Variants in TAB3 observed in about 807,000 individuals in gnomAD.
The protein encoded by TAB3 is TGF-beta-activated kinase 1 and MAP3K7-binding protein 3.
In TAB3, 18 loss-of-function variants were observed where a neutral mutation model predicts 48.1. The ratio of observed to expected loss-of-function variants is 0.37; its 90% CI spans 0.26 to 0.55. TAB3 has a LOEUF of 0.55. TAB3 is among the 20% of genes least tolerant of loss of function. The pLI, the probability that TAB3 is intolerant of heterozygous loss-of-function variation, is 0.78. For missense variants in TAB3, 414 were observed against 549.8 expected (o/e 0.75, Z 2.47); for synonymous variants, 185 against 190.2 (o/e 0.97, Z 0.22).
Position 30,855,179 on chromosome X carries a change from G to A in TAB3, c.486C>T (p.Ser162=). The A allele has an allele frequency of 8.3e-7, 1 of 1,211,955 alleles. No individual in the cohort carries two copies. The highest frequency in any genetic ancestry group is 1.1e-6 in the Non-Finnish European group (1 of 895,549). The change falls in exon 6 of 11, where the codon TCC becomes TCT. Residue 162 remains serine, a synonymous_variant. Transcript: ENST00000288422. The part of the protein sequence containing the change: ...PPSQPPQQPS[S]MQTGMNPSAM... ...CAGACGGATTCATTCCTGTTTGCAT[G>A]GAAGATGGCTGTTGAGGTGGTTGTG...
Position 30,830,922 on chromosome X carries a change from C to CCG in TAB3, c.*504_*505insCG, listed in dbSNP as rs1202143073. 24 of 85,420 alleles carry CCG rather than the reference C, an allele frequency of 2.8e-4. No homozygotes were observed. The highest frequency in any genetic ancestry group is 9.3e-4 in the African/African-American group (23 of 24,763). The allele number at this position is 85,420 out of a possible 1,213,427, so 7.0% of individuals were successfully genotyped here. A position where few individuals can be genotyped will look rare whatever the true frequency, so the allele number is the denominator to read the frequency against. On this transcript the variant is annotated 3_prime_UTR_variant, in exon 11 of 11. Transcript: ENST00000288422. ...ACCCTTAATTAATTTGCCCCCCCCC[C>CCG]CCAAATATTCTAGGTGCTTTTTCCT...
chrX:30,869,435 A>C, intron 2 of TAB3, among the ~76,000 whole-genome samples: 1 of 111,650 alleles, frequency 9.0e-6, no homozygotes, highest in East Asian at 2.8e-4. Context: ...CCCTTTCATA[A>C]ATGCCTATAA....
At chrX:30,878,032 TAA>T (rs1327104337) in intron 1 of TAB3, among the ~76,000 whole-genome samples, 1 of 112,539 alleles carries the variant, frequency 8.9e-6, no homozygotes, top group Non-Finnish European at 1.9e-5. Flanking sequence ...TCACTAGAGT[TAA>T]AAAGAGTCCC....
At chrX:30,839,729 G>GA (rs1345267335) in intron 9 of TAB3, among the ~76,000 whole-genome samples, 1 of 108,871 alleles carries the variant, frequency 9.2e-6, no homozygotes, top group Non-Finnish European at 1.9e-5. Flanking sequence ...GAAATGAAAT[G>GA]AAAAAACAAA....
chrX:30,868,481 T>TTATA (rs775624507), intron 2 of TAB3, among the ~76,000 whole-genome samples: 1 of 28,194 alleles, frequency 3.5e-5, no homozygotes, highest in Non-Finnish European at 5.4e-5. Flanking sequence ...TATATATAGC[T>TTATA]TATATATATA....
intron 5 of TAB3, among the ~76,000 whole-genome samples, chrX:30,857,590 T>C (rs1445244288): frequency 9.0e-6 from 1 of 111,319 alleles, no homozygotes; most frequent in African/African-American, 3.3e-5. Context: ...CTACTTAGTA[T>C]TGTCACAAAA....
At chrX:30,885,248 A>T (rs963712777) in intron 1 of TAB3, among the ~76,000 whole-genome samples, 5 of 112,348 alleles carry the variant, frequency 4.5e-5, no homozygotes, top group African/African-American at 1.3e-4. Context: ...TTTGAAACTC[A>T]GACTTTGCCT....
At chrX:30,839,648 T>A (rs1938349470) in intron 9 of TAB3, among the ~76,000 whole-genome samples, 1 of 109,944 alleles carries the variant, frequency 9.1e-6, no homozygotes, top group African/African-American at 3.3e-5. Context: ...ACCACTCTGG[T>A]GTAGGATGCT....
In TAB3 at chrX:30,830,694, G is replaced by A. The variant is rs1825106864; in HGVS notation, c.*733C>T. 8.9e-6 allele frequency: 1 copy of A among 112,271 alleles called. No homozygotes were observed. The highest frequency in any genetic ancestry group is 3.7e-4 in the South Asian group (1 of 2,687). 9.3% of individuals were successfully genotyped at this position (112,271 alleles called of 1,213,427 possible). On this transcript the variant is annotated 3_prime_UTR_variant, in exon 11 of 11. Transcript: ENST00000288422. ...AAAATGCATCTCTTATGTGGCATAA[G>A]TAGGTCTTAGTTACCAGTGTTGATA...
intron 4 of TAB3, among the ~76,000 whole-genome samples, chrX:30,861,334 C>T (rs1282673127): frequency 9.0e-6 from 1 of 110,698 alleles, no homozygotes; most frequent in Non-Finnish European, 1.9e-5. Flanking sequence ...ATAGACAAGC[C>T]TTTTAGATGA....
At chrX:30,841,138 A>G (rs750262632) in intron 9 of TAB3, among the ~76,000 whole-genome samples, 2 of 112,516 alleles carry the variant, frequency 1.8e-5, no homozygotes, top group East Asian at 2.8e-4. Flanking sequence ...AAATCAATAG[A>G]CTATTTTTTG....
chrX:30,848,414 C>G (rs1483904485), intron 7 of TAB3, among the ~76,000 whole-genome samples: 2 of 111,241 alleles, frequency 1.8e-5, no homozygotes, highest in African/African-American at 6.6e-5. Flanking sequence ...CCCAGCTACT[C>G]GAGAGGCTGA....
chrX:30,853,031 T>C, intron 6 of TAB3, 93 bp from the exon 7 acceptor site: 3 of 935,627 alleles, frequency 3.2e-6, no homozygotes, highest in Non-Finnish European at 4.4e-6. Flanking sequence ...AAAAGACTCA[T>C]TCAACTTGGG....
chrX:30,843,407 G>A (rs1001668911), intron 8 of TAB3: 1 of 118,486 alleles, frequency 8.4e-6, no homozygotes, highest in African/African-American at 3.2e-5. Context: ...TGCTTGTTTT[G>A]ATTTTTAATG....
At position 30,859,683 on chromosome X, in the gene TAB3, TTAA is replaced by T. The variant is rs1939194924; in HGVS notation, c.-90-8_-90-6del. The T allele has an allele frequency of 5.6e-6, 3 of 536,206 alleles. No individual in the cohort carries two copies. Among genetic ancestry groups the T allele is most frequent in the Admixed American group, 8.6e-5 (2 of 23,147 alleles). The allele number at this position is 536,206 out of a possible 1,213,427, so 44.2% of individuals were successfully genotyped here. Reference sequence around the variant, plus strand: ...TTCTAGCACCACAGTCATTTTCTATTTAAAAAAAAAAAAAAAGTATGGTTAAGT... The same window carrying T: ...TTCTAGCACCACAGTCATTTTCTATTAAAAAAAAAAAAAGTATGGTTAAGT... On this transcript the variant is annotated splice_polypyrimidine_tract_variant and splice_region_variant and intron_variant, in intron 4 of 10. Transcript: ENST00000288422.
chrX:30,831,716 T>C, intron 10 of TAB3, 141 bp from the exon 11 acceptor site: 3 of 639,865 alleles, frequency 4.7e-6, no homozygotes, highest in Non-Finnish European at 6.9e-6. Context: ...AATTAGTAAA[T>C]ATATCTACTG....
intron 4 of TAB3, among the ~76,000 whole-genome samples, chrX:30,861,403 C>G (rs778322101): frequency 1.8e-5 from 2 of 108,644 alleles, no homozygotes; most frequent in East Asian, 5.8e-4. Context: ...GGAGTGGAGT[C>G]ACCTATATAG....
intron 5 of TAB3, 144 bp downstream of exon 5, chrX:30,859,343 T>G (rs1051552719): frequency 3.2e-5 from 12 of 379,219 alleles, no homozygotes; most frequent in Non-Finnish European, 4.9e-5. Context: ...AGTGCCAAGG[T>G]TGAGGGAAAT....
At chrX:30,873,430 C>G (rs999959976) in intron 1 of TAB3, among the ~76,000 whole-genome samples, 5 of 106,017 alleles carry the variant, frequency 4.7e-5, no homozygotes, top group Admixed American at 1.0e-4. Context: ...GAGGCTGAGG[C>G]AGGAGAATGG....
Sources: gnomAD v4.1 joint callset for allele counts (sites outside exome capture counted in the v4.1 genomes callset) on GRCh38, gnomAD v4.1.1 for gene constraint, MANE v1.5 for transcripts, NCBI Gene and HGNC (gene_info 2026-07-23, HGNC 2026-07-21) for gene names.